Variants in EIF2B3 observed in about 807,000 individuals in gnomAD.
EIF2B3 encodes eukaryotic translation initiation factor 2B subunit gamma.
Under a neutral mutation model 54.1 loss-of-function variants are expected in EIF2B3, and 20 were observed. The observed-to-expected ratio is 0.37, with a 90% CI of 0.26 to 0.54. The LOEUF is 0.54. EIF2B3 is among the 20% of genes least tolerant of loss of function. EIF2B3 has a pLI of 0.86. For missense variants in EIF2B3, 448 were observed against 547.8 expected, an observed-to-expected ratio of 0.82 and a Z score of 1.82; for synonymous variants, 153 against 188.1, an observed-to-expected ratio of 0.81 and a Z score of 1.52.
At chr1:44,879,160 C>A (rs977619623) in intron 8 of EIF2B3, among the ~76,000 whole-genome samples, 6 of 152,176 alleles carry the variant, frequency 3.9e-5, no homozygotes. Flanking sequence ...GCCTACTATA[C>A]AATACAGAGT....
intron 3 of EIF2B3, among the ~76,000 whole-genome samples, chr1:44,970,237 T>C (rs1569867141): frequency 6.6e-6 from 1 of 152,154 alleles, no homozygotes; most frequent in African/African-American, 2.4e-5. Context: ...TTTCCACATA[T>C]AAGTAGGACT....
chr1:44,965,945 T>C (rs7519454), intron 3 of EIF2B3, among the ~76,000 whole-genome samples: 33,646 of 151,666 alleles, frequency 0.22, 4,052 homozygotes, highest in Admixed American at 0.32. Context: ...TGGCCAAAAG[T>C]GTATACCATA....
intron 10 of EIF2B3, among the ~76,000 whole-genome samples, chr1:44,872,301 G>A (rs1438831786): frequency 6.6e-6 from 1 of 152,046 alleles, no homozygotes; most frequent in Non-Finnish European, 1.5e-5. Flanking sequence ...CCAAAGTGCC[G>A]GGACTATGGA....
chr1:44,945,781 C>T (rs1557698861), intron 3 of EIF2B3, among the ~76,000 whole-genome samples: 1 of 152,022 alleles, frequency 6.6e-6, no homozygotes, highest in South Asian at 2.1e-4. Flanking sequence ...CAGAAGTTGC[C>T]CCATTTCATC....
chr1:44,856,097 C>T (rs570590970), intron 11 of EIF2B3, among the ~76,000 whole-genome samples: 1 of 152,016 alleles, frequency 6.6e-6, no homozygotes, highest in Non-Finnish European at 1.5e-5. Context: ...TATAATGGCA[C>T]GGTATGTATG....
chr1:44,916,147 T>C (rs1366858594), intron 5 of EIF2B3, among the ~76,000 whole-genome samples: 1 of 152,214 alleles, frequency 6.6e-6, no homozygotes, highest in African/African-American at 2.4e-5. Flanking sequence ...CAGTTCTACA[T>C]ATAAATGGGC....
chr1:44,912,554 C>T (rs2148923209), intron 5 of EIF2B3, among the ~76,000 whole-genome samples: 1 of 152,286 alleles, frequency 6.6e-6, no homozygotes, highest in South Asian at 2.1e-4. Context: ...TCAGGTCAAA[C>T]TGTCCTTCCC....
At chr1:44,921,846 C>T (rs1267014096) in intron 5 of EIF2B3, among the ~76,000 whole-genome samples, 1 of 151,660 alleles carries the variant, frequency 6.6e-6, no homozygotes, top group African/African-American at 2.4e-5. Flanking sequence ...GTTCTTTTTG[C>T]TTAGGATAAC....
chr1:44,851,316 C>A (rs1654260723), intron 11 of EIF2B3, among the ~76,000 whole-genome samples: 1 of 152,190 alleles, frequency 6.6e-6, no homozygotes, highest in African/African-American at 2.4e-5. Context: ...CTGCCAGCCT[C>A]AGCCTCCCAA....
chr1:44,924,543 A>T (rs928671563), intron 5 of EIF2B3, among the ~76,000 whole-genome samples: 3 of 151,814 alleles, frequency 2.0e-5, no homozygotes, highest in African/African-American at 7.3e-5. Flanking sequence ...ACATGCCACC[A>T]CGCCTGGCTA....
intron 2 of EIF2B3, among the ~76,000 whole-genome samples, chr1:44,979,465 T>A (rs1478268700): frequency 7.3e-6 from 1 of 136,138 alleles, no homozygotes; most frequent in Non-Finnish European, 1.5e-5. Context: ...GGCGAAACCC[T>A]GTCTCTGCCA....
At chr1:44,966,262 A>AC (rs35793348) in intron 3 of EIF2B3, among the ~76,000 whole-genome samples, 1,765 of 151,832 alleles carry the variant, frequency 0.012, 18 homozygotes, top group African/African-American at 0.024. Flanking sequence ...ACATGGTGAA[A>AC]CCCTGTCTCT....
At chr1:44,955,770 T>C (rs1328740566) in intron 3 of EIF2B3, among the ~76,000 whole-genome samples, 1 of 152,168 alleles carries the variant, frequency 6.6e-6, no homozygotes, top group African/African-American at 2.4e-5. Context: ...AAGCTCATCA[T>C]CACTGGTCAT....
chr1:44,930,991 T>C (rs1643891984), intron 4 of EIF2B3, among the ~76,000 whole-genome samples: 1 of 152,178 alleles, frequency 6.6e-6, no homozygotes, highest in South Asian at 2.1e-4. Context: ...AGAATGATAG[T>C]TGCCTCCTGG....
chr1:44,909,749 T>G (rs1004070845), intron 5 of EIF2B3, among the ~76,000 whole-genome samples: 6 of 152,208 alleles, frequency 3.9e-5, no homozygotes. Flanking sequence ...TTCCCTTCTG[T>G]ACCTGCCCCC....
chr1:44,980,204 C>T (rs1402486797), intron 2 of EIF2B3, among the ~76,000 whole-genome samples: 1 of 152,084 alleles, frequency 6.6e-6, no homozygotes, highest in African/African-American at 2.4e-5. Flanking sequence ...GTGGCTCATG[C>T]CTGTAATCCC....
chr1:44,902,504 TAAAAA>T (rs979777585), intron 5 of EIF2B3, among the ~76,000 whole-genome samples: 28 of 149,896 alleles, frequency 1.9e-4, no homozygotes, highest in Admixed American at 1.7e-3. Flanking sequence ...TCATAATAAT[TAAAAA>T]AAAGAAAAAA....
At chr1:44,901,207 C>G (rs1643290010) in intron 5 of EIF2B3, among the ~76,000 whole-genome samples, 1 of 151,804 alleles carries the variant, frequency 6.6e-6, no homozygotes, top group Non-Finnish European at 1.5e-5. Context: ...CCCCTGCCTC[C>G]CAGGTTTAAG....
At position 44,931,046 on chromosome 1, in the gene EIF2B3, G is replaced by A. The variant is rs559609710; in HGVS notation, c.455-4307C>T. On this transcript the variant is annotated intron_variant, in intron 4 of 11. Coordinates refer to ENST00000360403, the MANE Select transcript of EIF2B3 (RefSeq NM_020365.5). ...CCCTTCTTGAATGTGGGCTGGCCTAGTGACTTGCTTCTAACCAACAGAACG... is the reference window on the plus strand; with the variant it reads ...CCCTTCTTGAATGTGGGCTGGCCTAATGACTTGCTTCTAACCAACAGAACG... 2.0e-5 allele frequency among the ~76,000 whole-genome samples: 3 copies of A among 152,332 alleles called. No individual in the cohort carries two copies. The South Asian group carries it at 6.2e-4, about 32-fold the overall frequency.
Sources: allele counts gnomAD v4.1 joint callset (sites outside exome capture counted in the v4.1 genomes callset), GRCh38; gene constraint gnomAD v4.1.1; transcripts MANE v1.5; gene names NCBI Gene and HGNC (gene_info 2026-07-23, HGNC 2026-07-21).